The following ARPP19 variants were observed in gnomAD, a reference collection of about 807,000 sequenced individuals.
The protein encoded by ARPP19 is cAMP-regulated phosphoprotein 19.
ARPP19 carries 8 observed loss-of-function variants against 12.0 expected under a neutral mutation model. The observed-to-expected ratio is 0.67, with a 90% CI of 0.39 to 1.21. ARPP19 has a LOEUF of 1.21. Ranked by LOEUF, ARPP19 falls within the 50% of genes most tolerant of loss-of-function variation. The probability of loss-of-function intolerance (pLI) is 0.01; values close to 1 mark genes in which losing one functional copy is unlikely to be tolerated. For synonymous variants in ARPP19, 47 were observed against 50.4 expected, an observed-to-expected ratio of 0.93 and a Z score of 0.29; for missense variants, 102 against 136.3, an observed-to-expected ratio of 0.75 and a Z score of 1.25.
At position 52,568,671 on chromosome 15, in the gene ARPP19, T is replaced by A; in HGVS notation, c.45+177A>T. The A allele has an allele frequency of 1.0e-5, 5 of 489,854 alleles. No homozygotes were observed. In the South Asian group the frequency reaches 1.6e-4, roughly 16 times the overall value. 30.3% of individuals were successfully genotyped at this position (489,854 alleles called of 1,614,324 possible). A position where few individuals can be genotyped will look rare whatever the true frequency, so the allele number is the denominator to read the frequency against. ...GAGTAAACGCGGGGCACGTTGGAACTCCCAATTCGTCGGCGCACCAGCCAG... is the reference window on the plus strand; with the variant it reads ...GAGTAAACGCGGGGCACGTTGGAACACCCAATTCGTCGGCGCACCAGCCAG... On this transcript the variant is annotated intron_variant, in intron 1 of 2. Coordinates refer to ENST00000249822, the MANE Select transcript of ARPP19 (RefSeq NM_006628.6).
intron 1 of ARPP19, chr15:52,568,271 A>G (rs2078104663): frequency 6.6e-6 from 1 of 152,340 alleles, no homozygotes; most frequent in African/African-American, 2.4e-5. Flanking sequence ...ACTGCGCTGC[A>G]CACTACACCT....
At chr15:52,559,816 AGGAGAGGCCTACTCTT>A (rs1335160720) in intron 1 of ARPP19, among the ~76,000 whole-genome samples, 1 of 152,156 alleles carries the variant, frequency 6.6e-6, no homozygotes, top group Non-Finnish European at 1.5e-5. Context: ...TGGATGTGGG[AGGAGAGGCCTACTCTT>A]GGGTTTCCCT....
At chr15:52,567,010 A>G (rs2078089421) in intron 1 of ARPP19, among the ~76,000 whole-genome samples, 2 of 152,202 alleles carry the variant, frequency 1.3e-5, no homozygotes, top group South Asian at 4.1e-4. Context: ...TGGAAGGTCA[A>G]TTGGGTACAC....
chr15:52,562,356 A>T (rs2078041425), intron 1 of ARPP19, among the ~76,000 whole-genome samples: 1 of 152,204 alleles, frequency 6.6e-6, no homozygotes, highest in African/African-American at 2.4e-5. Flanking sequence ...TAAAGTCAGT[A>T]ACAACAAAAA....
intron 2 of ARPP19, among the ~76,000 whole-genome samples, chr15:52,554,612 C>G (rs187403123): frequency 1.3e-5 from 2 of 152,070 alleles, no homozygotes; most frequent in Admixed American, 6.5e-5. Flanking sequence ...ATGGGCCATA[C>G]TTACATCAGC....
intron 2 of ARPP19, 134 bp downstream of exon 2, chr15:52,556,966 A>G: frequency 1.1e-6 from 1 of 891,582 alleles, no homozygotes; most frequent in Non-Finnish European, 1.7e-6. Context: ...GGAAAAACCC[A>G]TTACAGATAC....
At chr15:52,569,297 G>C (rs548673099), upstream of ARPP19, 26 of 255,478 alleles carry the variant, frequency 1.0e-4, no homozygotes, top group South Asian at 1.0e-3. Context: ...CGTTCTAGGA[G>C]CTTTATTTTA....
intron 1 of ARPP19, among the ~76,000 whole-genome samples, chr15:52,563,863 T>A (rs965849944): frequency 6.6e-6 from 1 of 152,234 alleles, no homozygotes; most frequent in Non-Finnish European, 1.5e-5. Context: ...TCAAGCTCTA[T>A]GGAAAATTAC....
chr15:52,553,146 G>C (rs1284103314), intron 2 of ARPP19, among the ~76,000 whole-genome samples: 1 of 152,090 alleles, frequency 6.6e-6, no homozygotes, highest in East Asian at 1.9e-4. Flanking sequence ...CTGGTATTCT[G>C]TTATTTAGAA....
rs972833478 is a variant in ARPP19 at position 52,547,565 on chromosome 15, C to T, written c.*4369G>A. 2 of 152,126 alleles carry T rather than the reference C, an allele frequency of 1.3e-5. No individual in the cohort carries two copies. The highest frequency in any genetic ancestry group is 4.8e-5 in the African/African-American group (2 of 41,428). 9.4% of individuals were successfully genotyped at this position (152,126 alleles called of 1,614,324 possible). A position where few individuals can be genotyped will look rare whatever the true frequency, so the allele number is the denominator to read the frequency against. ...AAGACCAGCAGTGATCTGCAGAATA[C>T]CTAGAGGCCTACCTAATTAGAAGGT... is the stretch of plus-strand genomic sequence containing the variant. On this transcript the variant is annotated 3_prime_UTR_variant, in exon 3 of 3. Transcript: ENST00000249822.
intron 2 of ARPP19, among the ~76,000 whole-genome samples, chr15:52,552,731 TG>T (rs1231366168): frequency 6.6e-6 from 1 of 152,076 alleles, no homozygotes; most frequent in Non-Finnish European, 1.5e-5. Flanking sequence ...CATTTACTAA[TG>T]GAACAACCAG....
Position 52,551,143 on chromosome 15 carries a change from C to T in ARPP19, c.*791G>A, listed in dbSNP as rs2077926487. ...GGAACTCTTGTGCTTCTGGTTGGCA[C>T]ATTATCTACTTTTTAAGTATGTGAA... On this transcript the variant is annotated 3_prime_UTR_variant, in exon 3 of 3. Coordinates refer to ENST00000249822, the MANE Select transcript of ARPP19 (RefSeq NM_006628.6). 1 of 152,684 alleles carries T rather than the reference C, an allele frequency of 6.5e-6. No individual in the cohort carries two copies. Among genetic ancestry groups the T allele is most frequent in the Non-Finnish European group, 1.5e-5 (1 of 68,054 alleles). 9.5% of individuals were successfully genotyped at this position (152,684 alleles called of 1,614,324 possible). A position where few individuals can be genotyped will look rare whatever the true frequency, so the allele number is the denominator to read the frequency against.
At chr15:52,566,419 A>G (rs1349256255) in intron 1 of ARPP19, among the ~76,000 whole-genome samples, 1 of 152,136 alleles carries the variant, frequency 6.6e-6, no homozygotes, top group African/African-American at 2.4e-5. Flanking sequence ...ATGACCTCCC[A>G]AAGTGCTGGG....
chr15:52,556,882 T>C (rs1377624306), intron 2 of ARPP19: 2 of 439,004 alleles, frequency 4.6e-6, no homozygotes, highest in Non-Finnish European at 8.0e-6. Flanking sequence ...TCTACATGCT[T>C]TAAATAGTTT....
intron 1 of ARPP19, among the ~76,000 whole-genome samples, chr15:52,567,559 ATACT>A (rs1335104890): frequency 7.9e-5 from 12 of 152,212 alleles, no homozygotes; most frequent in Admixed American, 6.5e-4. Flanking sequence ...TAAGCAGGTG[ATACT>A]TAATAATACT....
intron 1 of ARPP19, 99 bp from the exon 2 acceptor site, chr15:52,557,321 C>T: frequency 1.1e-6 from 1 of 930,040 alleles, no homozygotes; most frequent in Non-Finnish European, 1.6e-6. Context: ...TTGTTAAATG[C>T]CAAGTACCAC....
At chr15:52,569,418 C>T (rs1449339083), upstream of ARPP19, among the ~76,000 whole-genome samples, 1 of 152,248 alleles carries the variant, frequency 6.6e-6, no homozygotes, top group Non-Finnish European at 1.5e-5. Context: ...TCTGCCACGC[C>T]TTCACATCTC....
chr15:52,553,715 T>C (rs2077956493), intron 2 of ARPP19, among the ~76,000 whole-genome samples: 1 of 147,208 alleles, frequency 6.8e-6, no homozygotes, highest in Non-Finnish European at 1.5e-5. Context: ...AGAAAACAGA[T>C]AATATTTATG....
chr15:52,564,167 T>A, intron 1 of ARPP19: 1 of 1,509,486 alleles, frequency 6.6e-7, no homozygotes. Context: ...AGAGAAACAT[T>A]TAAAAACTTT....
Sources: gnomAD v4.1 joint callset for allele counts (sites outside exome capture counted in the v4.1 genomes callset) on GRCh38, gnomAD v4.1.1 for gene constraint, MANE v1.5 for transcripts, NCBI Gene and HGNC (gene_info 2026-07-23, HGNC 2026-07-21) for gene names.